CDK19: variants seen among roughly 807,000 people sequenced by gnomAD.
The protein encoded by CDK19 is cyclin dependent kinase 19, also known as cyclin-dependent kinase 19.
CDK19 carries 20 observed loss-of-function variants against 68.3 expected under a neutral mutation model. That is an observed-to-expected ratio of 0.29 (90% CI 0.21 to 0.43). The LOEUF (loss-of-function observed/expected upper bound fraction) is 0.43. Among genes scored for constraint, CDK19 ranks in the 20% least tolerant of loss-of-function variants. The probability of loss-of-function intolerance (pLI) is 1.00; values close to 1 mark genes in which losing one functional copy is unlikely to be tolerated. For missense variants in CDK19, 339 were observed against 623.5 expected (o/e 0.54, Z 4.86); for synonymous variants, 221 against 222.8 (o/e 0.99, Z 0.07).
intron 2 of CDK19, among the ~76,000 whole-genome samples, chr6:110,743,920 T>C (rs1302923925): frequency 1.3e-5 from 2 of 152,028 alleles, no homozygotes; most frequent in Admixed American, 1.3e-4. Context: ...AATATTTATA[T>C]TGGTTGATAT....
intron 2 of CDK19, among the ~76,000 whole-genome samples, chr6:110,699,513 G>T (rs1159947789): frequency 1.3e-5 from 2 of 151,866 alleles, no homozygotes; most frequent in Non-Finnish European, 2.9e-5. Context: ...ACCATATGGT[G>T]GGAGCTAAGC....
chr6:110,637,562 G>A (rs1313585335), intron 5 of CDK19, among the ~76,000 whole-genome samples: 38 of 152,186 alleles, frequency 2.5e-4, no homozygotes, highest in Non-Finnish European at 1.5e-5. Flanking sequence ...TGGGTCAAGT[G>A]AGCACAATTT....
At chr6:110,773,459 A>C (rs1780183868) in intron 1 of CDK19, among the ~76,000 whole-genome samples, 1 of 152,186 alleles carries the variant, frequency 6.6e-6, no homozygotes, top group African/African-American at 2.4e-5. Flanking sequence ...TGAGTCATGG[A>C]TTAGGCTGCC....
chr6:110,792,957 T>C (rs531709953), intron 1 of CDK19, among the ~76,000 whole-genome samples: 1 of 152,302 alleles, frequency 6.6e-6, no homozygotes, highest in Admixed American at 6.5e-5. Flanking sequence ...TATTTTGTCA[T>C]CCAACAGATC....
intron 6 of CDK19, among the ~76,000 whole-genome samples, chr6:110,628,807 A>C (rs1200749163): frequency 6.6e-6 from 1 of 152,150 alleles, no homozygotes; most frequent in Non-Finnish European, 1.5e-5. Flanking sequence ...CCTTCCACAT[A>C]ATTTAGCCTT....
chr6:110,615,310 G>A (rs924568839), intron 12 of CDK19, among the ~76,000 whole-genome samples: 10 of 152,104 alleles, frequency 6.6e-5, no homozygotes, highest in African/African-American at 2.4e-4. Context: ...TCAATTCAAT[G>A]TATTTTTATT....
At chr6:110,711,238 C>T (rs1774916006) in intron 2 of CDK19, among the ~76,000 whole-genome samples, 1 of 152,114 alleles carries the variant, frequency 6.6e-6, no homozygotes, top group South Asian at 2.1e-4. Flanking sequence ...TGGTTAGACA[C>T]TGAATGTCAG....
chr6:110,771,875 A>AT (rs1252939548), intron 1 of CDK19, among the ~76,000 whole-genome samples: 3 of 152,240 alleles, frequency 2.0e-5, no homozygotes, highest in Non-Finnish European at 4.4e-5. Flanking sequence ...TTGCTAAAAC[A>AT]TAACAAGAGT....
chr6:110,652,936 G>A (rs977944786), intron 4 of CDK19, among the ~76,000 whole-genome samples: 1 of 152,162 alleles, frequency 6.6e-6, no homozygotes. Flanking sequence ...CTTTTGCACA[G>A]TTTGAGAACA....
intron 2 of CDK19, chr6:110,700,680 A>C (rs1362083307): frequency 6.4e-6 from 1 of 157,378 alleles, no homozygotes; most frequent in Non-Finnish European, 1.4e-5. Flanking sequence ...AAGTTTAAAA[A>C]TCTCAAGTAA....
chr6:110,796,541 C>T (rs1166078027), intron 1 of CDK19, among the ~76,000 whole-genome samples: 1 of 151,620 alleles, frequency 6.6e-6, no homozygotes, highest in African/African-American at 2.4e-5. Context: ...TCCAGCTACT[C>T]GGAAGGCTAA....
At chr6:110,746,942 T>C (rs1778115397) in intron 1 of CDK19, among the ~76,000 whole-genome samples, 1 of 152,194 alleles carries the variant, frequency 6.6e-6, no homozygotes, top group Non-Finnish European at 1.5e-5. Flanking sequence ...AAGCAGCTAG[T>C]ACAATACAGT....
At chr6:110,651,795 C>T (rs912475951) in intron 4 of CDK19, among the ~76,000 whole-genome samples, 2 of 152,112 alleles carry the variant, frequency 1.3e-5, no homozygotes, top group African/African-American at 2.4e-5. Flanking sequence ...ATTTTGAGAA[C>T]CTGCCTCTAA....
At chr6:110,787,027 A>C (rs9487524) in intron 1 of CDK19, among the ~76,000 whole-genome samples, 2,043 of 152,122 alleles carry the variant, frequency 0.013, 48 homozygotes, top group African/African-American at 0.047. Context: ...ATTACTAATT[A>C]ATGTTCCTTG....
At chr6:110,761,632 G>C (rs1011229304) in intron 1 of CDK19, among the ~76,000 whole-genome samples, 2 of 146,912 alleles carry the variant, frequency 1.4e-5, no homozygotes, top group African/African-American at 5.0e-5. Context: ...ATGTGGACTA[G>C]AGATAGAGAT....
intron 1 of CDK19, among the ~76,000 whole-genome samples, chr6:110,764,880 G>C (rs1779464962): frequency 6.6e-6 from 1 of 151,776 alleles, no homozygotes; most frequent in Non-Finnish European, 1.5e-5. Context: ...GAACTCAGGA[G>C]TCAGAGGTTG....
intron 4 of CDK19, among the ~76,000 whole-genome samples, chr6:110,659,584 C>CTTTCT (rs1351433044): frequency 4.6e-5 from 7 of 152,274 alleles, no homozygotes; most frequent in Admixed American, 3.3e-4. Flanking sequence ...AGTACTAATA[C>CTTTCT]TAGTGATAAG....
At chr6:110,750,218 G>A (rs2114899646) in intron 1 of CDK19, among the ~76,000 whole-genome samples, 1 of 145,820 alleles carries the variant, frequency 6.9e-6, no homozygotes. Flanking sequence ...AAAACAATTA[G>A]GAAGTTACTG....
rs911694522 is a variant in CDK19, at chr6:110,623,518, T to A, written c.861-156A>T. ...ACACATTACCAAATATTAGCAAATG[T>A]GTGAAGAAATAGGAACTGTCACACA... On this transcript the variant is annotated intron_variant, in intron 8 of 12. Coordinates refer to ENST00000368911, the MANE Select transcript of CDK19 (RefSeq NM_015076.5). The A allele has an allele frequency of 1.8e-5, 11 of 613,258 alleles. No individual in the cohort carries two copies. In the South Asian group the frequency reaches 6.6e-4, roughly 37 times the overall value. The allele number at this position is 613,258 out of a possible 1,614,324, so 38.0% of individuals were successfully genotyped here.
Sources: allele counts gnomAD v4.1 joint callset (sites outside exome capture counted in the v4.1 genomes callset), GRCh38; gene constraint gnomAD v4.1.1; transcripts MANE v1.5; gene names NCBI Gene and HGNC (gene_info 2026-07-23, HGNC 2026-07-21).